AHCY: variants seen among roughly 807,000 people sequenced by gnomAD.
The protein encoded by AHCY is adenosylhomocysteinase.
A neutral mutation model predicts 45.4 loss-of-function variants in AHCY; 24 were observed. The observed-to-expected ratio is 0.53, with a 90% CI of 0.38 to 0.74. AHCY has a LOEUF of 0.74. AHCY is among the 30% of genes least tolerant of loss of function. The pLI, the probability that AHCY is intolerant of heterozygous loss-of-function variation, is 0.00. For missense variants in AHCY, 449 were observed against 594.1 expected (o/e 0.76, Z 2.54); for synonymous variants, 245 against 235.1 (o/e 1.04, Z -0.39).
At chr20:34,287,438 T>C (rs1357840557) in intron 8 of AHCY, among the ~76,000 whole-genome samples, 2 of 147,526 alleles carry the variant, frequency 1.4e-5, no homozygotes, top group Admixed American at 7.0e-5. Context: ...TCATCCAGGC[T>C]GGAGTACAGT....
At chr20:34,260,476 G>A in the AHCY span, 7 of 1,614,084 alleles carry the variant, frequency 4.3e-6, no homozygotes, top group Middle Eastern at 1.7e-4. Flanking sequence ...GAGATGACAG[G>A]AGCCTGAGAA....
chr20:34,236,226 G>C, the AHCY span, among the ~76,000 whole-genome samples: 1 of 152,074 alleles, frequency 6.6e-6, no homozygotes, highest in East Asian at 1.9e-4. Flanking sequence ...GCTAGCTCTA[G>C]GTGGTTTAAA....
upstream of AHCY, among the ~76,000 whole-genome samples, chr20:34,303,847 T>G (rs1220921735): frequency 6.6e-6 from 1 of 152,010 alleles, no homozygotes; most frequent in African/African-American, 2.4e-5. Flanking sequence ...AAATTAAAAA[T>G]TAGCCGGGCG....
At chr20:34,309,244 G>A (rs529422974) in intron 1 of AHCY, among the ~76,000 whole-genome samples, 3 of 152,284 alleles carry the variant, frequency 2.0e-5, no homozygotes, top group Admixed American at 6.5e-5. Flanking sequence ...ACAGGCGTGA[G>A]CCACCACGCC....
At chr20:34,232,984 C>T in the AHCY span, among the ~76,000 whole-genome samples, 9 of 152,092 alleles carry the variant, frequency 5.9e-5, no homozygotes, top group Non-Finnish European at 1.2e-4. Flanking sequence ...TGGAGTTTAA[C>T]GTGTTCTCCC....
In AHCY at chr20:34,296,425, A is replaced by C. The variant is rs369618641; in HGVS notation, c.29-840T>G. On this transcript the variant is annotated intron_variant, in intron 1 of 9. Coordinates refer to ENST00000217426, the MANE Select transcript of AHCY (RefSeq NM_000687.4). ...TTTGAGGTTATTAGTAATAAAAGGT[A>C]ATATTTCAGGTGTTGCCACCTAAAA... Among the ~76,000 whole-genome samples the C allele has an allele frequency of 7.9e-5, 12 of 152,248 alleles. No homozygotes were observed. In the East Asian group the frequency reaches 1.9e-3, roughly 24 times the overall value.
chr20:34,289,443 GA>G (rs1485051956), intron 8 of AHCY, among the ~76,000 whole-genome samples: 1 of 148,614 alleles, frequency 6.7e-6, no homozygotes, highest in Non-Finnish European at 1.5e-5. Context: ...AAAGTGCTGG[GA>G]TTACAGGCAT....
At chr20:34,256,502 C>T in the AHCY span, among the ~76,000 whole-genome samples, 3 of 152,176 alleles carry the variant, frequency 2.0e-5, no homozygotes, top group Admixed American at 1.3e-4. Flanking sequence ...TGAGGTCTCT[C>T]TATGTTGCCA....
intron 1 of AHCY, among the ~76,000 whole-genome samples, chr20:34,309,362 C>G (rs2036926134): frequency 6.6e-6 from 1 of 152,138 alleles, no homozygotes; most frequent in African/African-American, 2.4e-5. Context: ...AGTGGATTGA[C>G]CTTTTATCAT....
At chr20:34,263,398 C>G in the AHCY span, among the ~76,000 whole-genome samples, 1 of 152,092 alleles carries the variant, frequency 6.6e-6, no homozygotes, top group East Asian at 1.9e-4. Context: ...AACCCCGTCT[C>G]TACTAAAAAT....
rs181076454 is a variant in AHCY, at chr20:34,301,903, A to T, written c.28+1340T>A. ...ATATAACGGGATTACGTCCACCTCT[A>T]TGAAGATTATTGTGTAAACACACGT... On this transcript the variant is annotated intron_variant, in intron 1 of 9. Transcript: ENST00000217426. 4 of 985,430 alleles carry T rather than the reference A, an allele frequency of 4.1e-6. No individual in the cohort carries two copies. In the East Asian group the frequency reaches 4.5e-4, roughly 112 times the overall value. 61.0% of individuals were successfully genotyped at this position (985,430 alleles called of 1,614,324 possible). A position where few individuals can be genotyped will look rare whatever the true frequency, so the allele number is the denominator to read the frequency against.
the AHCY span, among the ~76,000 whole-genome samples, chr20:34,234,453 G>A: frequency 6.6e-6 from 1 of 152,142 alleles, no homozygotes; most frequent in Admixed American, 6.6e-5. Flanking sequence ...TCCAGTGGGC[G>A]CTATCAGCTT....
chr20:34,246,948 G>GT, the AHCY span, among the ~76,000 whole-genome samples: 7 of 150,598 alleles, frequency 4.6e-5, no homozygotes, highest in South Asian at 2.1e-4. Flanking sequence ...TATGTTTTTA[G>GT]TTTTTTTTGT....
chr20:34,264,231 G>A, the AHCY span, among the ~76,000 whole-genome samples: 1 of 152,128 alleles, frequency 6.6e-6, no homozygotes, highest in Non-Finnish European at 1.5e-5. Context: ...ATGTAAAGAT[G>A]TAGTACTAAA....
the AHCY span, among the ~76,000 whole-genome samples, chr20:34,258,692 CAT>C: frequency 3.6e-4 from 4 of 11,140 alleles, no homozygotes; most frequent in African/African-American, 1.7e-3. Context: ...TATATATATA[CAT>C]ACTATATATA....
At chr20:34,295,216 A>G (rs1365439582) in intron 2 of AHCY, 179 bp downstream of exon 2, 1 of 786,358 alleles carries the variant, frequency 1.3e-6, no homozygotes, top group Non-Finnish European at 2.2e-6. Context: ...TCTGCAGAAC[A>G]CTCACCACAA....
chr20:34,246,082 C>T, the AHCY span: 1 of 878,406 alleles, frequency 1.1e-6, no homozygotes, highest in Non-Finnish European at 1.9e-6. Context: ...ACTGAGGCAG[C>T]ACAGGAGAAT....
At chr20:34,246,246 C>A in the AHCY span, 6 of 1,531,840 alleles carry the variant, frequency 3.9e-6, no homozygotes, top group East Asian at 1.2e-4. Context: ...TGGCCTCTTC[C>A]ACCTCTCTTC....
chr20:34,272,799 G>A, the AHCY span, among the ~76,000 whole-genome samples: 31 of 152,272 alleles, frequency 2.0e-4, no homozygotes, highest in Non-Finnish European at 2.5e-4. Context: ...CAGGAGGATC[G>A]CTTGAGCCCA....
Sources: gnomAD v4.1 joint callset for allele counts (sites outside exome capture counted in the v4.1 genomes callset) on GRCh38, gnomAD v4.1.1 for gene constraint, MANE v1.5 for transcripts, NCBI Gene and HGNC (gene_info 2026-07-23, HGNC 2026-07-21) for gene names.